GBE1: variants seen among roughly 807,000 people sequenced by gnomAD.
GBE1 encodes 1,4-alpha-glucan branching enzyme 1, also known as 1,4-alpha-glucan-branching enzyme.
A neutral mutation model predicts 88.8 loss-of-function variants in GBE1; 70 were observed. That is an observed-to-expected ratio of 0.79 (90% CI 0.65 to 0.96). GBE1 has a LOEUF of 0.96. GBE1 is among the 40% of genes least tolerant of loss of function. The probability of loss-of-function intolerance (pLI) is 0.00; values close to 1 mark genes in which losing one functional copy is unlikely to be tolerated. For missense variants in GBE1, 872 were observed against 871.0 expected (o/e 1.00, Z -0.01); for synonymous variants, 284 against 300.1 (o/e 0.95, Z 0.56).
chr3:81,725,494 G>C (rs571475757), intron 1 of GBE1, among the ~76,000 whole-genome samples: 1 of 152,066 alleles, frequency 6.6e-6, no homozygotes, highest in Admixed American at 6.6e-5. Flanking sequence ...TGAAGAGCCT[G>C]CCTGAGGATG....
At chr3:81,740,379 CT>C (rs1485421090) in intron 1 of GBE1, among the ~76,000 whole-genome samples, 10 of 148,482 alleles carry the variant, frequency 6.7e-5, no homozygotes, top group African/African-American at 9.9e-5. Context: ...GGATCTCTCT[CT>C]TTTTTTTTTA....
chr3:81,573,747 T>A (rs1322305983), intron 12 of GBE1, among the ~76,000 whole-genome samples: 1 of 141,950 alleles, frequency 7.0e-6, no homozygotes, highest in Non-Finnish European at 1.5e-5. Context: ...TCTAAGTCAA[T>A]TTGCCTTCTC....
rs1223899845 is a variant in GBE1 at position 81,644,219 on chromosome 3, C to T, written c.783-1229G>A. On this transcript the variant is annotated intron_variant, in intron 6 of 15. Transcript: ENST00000429644. Reference sequence around the variant, plus strand: ...AATTTACATTCCCATTGGGAGACAACAAACAAGCAAAATACATAGAATGTC... The same window carrying T: ...AATTTACATTCCCATTGGGAGACAATAAACAAGCAAAATACATAGAATGTC... Among the ~76,000 whole-genome samples the T allele has an allele frequency of 1.7e-4, 26 of 151,878 alleles. No homozygotes were observed. In the East Asian group the frequency reaches 5.1e-3, roughly 30 times the overall value.
At chr3:81,537,727 T>C (rs1703096158) in intron 12 of GBE1, among the ~76,000 whole-genome samples, 1 of 152,014 alleles carries the variant, frequency 6.6e-6, no homozygotes. Context: ...ACTTTTATTA[T>C]GAATTTTCCG....
chr3:81,757,248 C>A (rs182028511), intron 1 of GBE1, among the ~76,000 whole-genome samples: 1 of 151,960 alleles, frequency 6.6e-6, no homozygotes, highest in Non-Finnish European at 1.5e-5. Flanking sequence ...TAGATGGTAC[C>A]GAGAGGGAGG....
At chr3:81,520,859 A>AT (rs1030009088) in intron 14 of GBE1, among the ~76,000 whole-genome samples, 1 of 151,352 alleles carries the variant, frequency 6.6e-6, no homozygotes, top group Admixed American at 6.6e-5. Flanking sequence ...TTGTTTCTTG[A>AT]TTTTTTTCCT....
chr3:81,743,040 C>G (rs187538327), intron 1 of GBE1, among the ~76,000 whole-genome samples: 2 of 152,126 alleles, frequency 1.3e-5, no homozygotes, highest in African/African-American at 4.8e-5. Flanking sequence ...GAGTACAAAT[C>G]TCTATTCTAA....
chr3:81,717,643 T>C (rs967769168), intron 1 of GBE1, among the ~76,000 whole-genome samples: 123 of 152,262 alleles, frequency 8.1e-4, no homozygotes, highest in African/African-American at 2.7e-3. Context: ...ATACTAGCAA[T>C]GTGACCTTTG....
At chr3:81,613,003 G>T in intron 7 of GBE1, 2 of 488,544 alleles carry the variant, frequency 4.1e-6, no homozygotes, top group East Asian at 6.5e-5. Flanking sequence ...GATGAAGTAG[G>T]GGATAAGGAT....
chr3:81,741,789 T>C (rs1214416092), intron 1 of GBE1, among the ~76,000 whole-genome samples: 2 of 148,402 alleles, frequency 1.3e-5, no homozygotes, highest in Non-Finnish European at 3.0e-5. Context: ...ACATAATATA[T>C]AGAGTATTAT....
intron 11 of GBE1, among the ~76,000 whole-genome samples, chr3:81,579,069 T>C (rs1389606969): frequency 1.3e-5 from 2 of 152,002 alleles, no homozygotes; most frequent in Non-Finnish European, 2.9e-5. Flanking sequence ...TCTCTGATTC[T>C]ATTATAAAAT....
chr3:81,573,820 C>T (rs1342274531), intron 12 of GBE1, among the ~76,000 whole-genome samples: 1 of 150,226 alleles, frequency 6.7e-6, no homozygotes, highest in Admixed American at 6.7e-5. Flanking sequence ...GCACAGGTAC[C>T]ATAAAAACAG....
At chr3:81,578,196 C>G (rs567703481) in intron 11 of GBE1, 100 bp from the exon 12 acceptor site, 1 of 818,570 alleles carries the variant, frequency 1.2e-6, no homozygotes, top group African/African-American at 1.8e-5. Context: ...TAGGAAACAT[C>G]GTAGAAGAGG....
At chr3:81,600,267 A>G (rs538143796) in intron 7 of GBE1, among the ~76,000 whole-genome samples, 1 of 152,068 alleles carries the variant, frequency 6.6e-6, no homozygotes, top group South Asian at 2.1e-4. Context: ...CTCAAAAACA[A>G]ATAAATAAAT....
Position 81,490,296 on chromosome 3 carries a change from C to T in GBE1, c.*111G>A, listed in dbSNP as rs1702420063. 7 of 903,320 alleles carry T rather than the reference C, an allele frequency of 7.7e-6. No individual in the cohort carries two copies. The Admixed American group carries it at 1.4e-4, about 19-fold the overall frequency. 56.0% of individuals were successfully genotyped at this position (903,320 alleles called of 1,614,324 possible). On this transcript the variant is annotated 3_prime_UTR_variant, in exon 16 of 16. Transcript: ENST00000429644. The stretch of plus-strand genomic sequence containing the variant: ...ATATTGAATTTCAGACACTTGATGG[C>T]TTGGCTAGACAACTGTATTCTGAAA...
At chr3:81,709,536 G>C (rs1705825732) in intron 1 of GBE1, among the ~76,000 whole-genome samples, 1 of 152,014 alleles carries the variant, frequency 6.6e-6, no homozygotes, top group Non-Finnish European at 1.5e-5. Context: ...TATAACGTTG[G>C]GAGGATAAAC....
intron 7 of GBE1, among the ~76,000 whole-genome samples, chr3:81,610,989 CA>C (rs1704174510): frequency 6.7e-6 from 1 of 149,834 alleles, no homozygotes; most frequent in African/African-American, 2.5e-5. Flanking sequence ...TTTTGCCAGA[CA>C]TATACTGGGG....
At chr3:81,642,569 C>T (rs962989946) in intron 7 of GBE1, 11 of 463,306 alleles carry the variant, frequency 2.4e-5, no homozygotes, top group Admixed American at 1.7e-4. Context: ...TTTTACATGG[C>T]GTAAGATATG....
intron 7 of GBE1, among the ~76,000 whole-genome samples, chr3:81,616,069 C>A (rs560421916): frequency 1.2e-3 from 183 of 152,120 alleles, no homozygotes; most frequent in African/African-American, 4.2e-3. Context: ...TGTTTTCTTG[C>A]CATTTTATGA....
Sources: gnomAD v4.1 joint callset for allele counts (sites outside exome capture counted in the v4.1 genomes callset) on GRCh38, gnomAD v4.1.1 for gene constraint, MANE v1.5 for transcripts, NCBI Gene and HGNC (gene_info 2026-07-23, HGNC 2026-07-21) for gene names.